The following CELF2 variants were observed in gnomAD, a reference collection of about 807,000 sequenced individuals.
CELF2 encodes the protein CUG triplet repeat RNA-binding protein 2.
Under a neutral mutation model 62.6 loss-of-function variants are expected in CELF2, and 8 were observed. That is an observed-to-expected ratio of 0.13 (90% CI 0.07 to 0.23). The LOEUF (loss-of-function observed/expected upper bound fraction) is 0.23, where lower values mean the gene tolerates loss of function less well. CELF2 is among the 10% of genes least tolerant of loss of function. The pLI is 1.00. For missense variants in CELF2, 333 were observed against 671.0 expected (o/e 0.50, Z 5.56); for synonymous variants, 258 against 250.0 (o/e 1.03, Z -0.30).
At chr10:10,745,200 C>A in the CELF2 span, among the ~76,000 whole-genome samples, 1 of 151,780 alleles carries the variant, frequency 6.6e-6, no homozygotes, top group Non-Finnish European at 1.5e-5. Context: ...ACATGGCCTA[C>A]TTGTGATTTT....
chr10:11,113,520 G>A (rs893664817), intron 1 of CELF2, among the ~76,000 whole-genome samples: 1 of 152,206 alleles, frequency 6.6e-6, no homozygotes, highest in African/African-American at 2.4e-5. Flanking sequence ...AAGCTATGCT[G>A]GAGATACAGT....
chr10:10,588,941 C>T, the CELF2 span, among the ~76,000 whole-genome samples: 2 of 152,178 alleles, frequency 1.3e-5, no homozygotes, highest in Non-Finnish European at 2.9e-5. Flanking sequence ...TCCTATAAAA[C>T]AAAGAGTGTC....
chr10:10,620,469 A>AAAT, the CELF2 span, among the ~76,000 whole-genome samples: 1 of 151,512 alleles, frequency 6.6e-6, no homozygotes, highest in Non-Finnish European at 1.5e-5. Flanking sequence ...AAAAAAAAAA[A>AAAT]AGCAGAGATT....
At chr10:10,779,489 T>C in the CELF2 span, among the ~76,000 whole-genome samples, 1 of 151,008 alleles carries the variant, frequency 6.6e-6, no homozygotes, top group South Asian at 2.1e-4. Flanking sequence ...CTCCTTCCTC[T>C]TTTTTTTTCC....
chr10:11,261,489 A>G (rs2080566904), intron 5 of CELF2, among the ~76,000 whole-genome samples: 1 of 149,460 alleles, frequency 6.7e-6, no homozygotes, highest in Non-Finnish European at 1.5e-5. Flanking sequence ...ATCCCATCTT[A>G]CTCAGCGGCC....
intron 2 of CELF2, among the ~76,000 whole-genome samples, chr10:10,950,800 T>C (rs1219714736): frequency 6.6e-6 from 1 of 152,262 alleles, no homozygotes; most frequent in Non-Finnish European, 1.5e-5. Flanking sequence ...GCTATCAGCA[T>C]GTATTAAATA....
chr10:10,709,241 T>C, the CELF2 span, among the ~76,000 whole-genome samples: 3 of 152,242 alleles, frequency 2.0e-5, no homozygotes, highest in South Asian at 2.1e-4. Context: ...TTCCCTGATA[T>C]GAGAGCAAAA....
intron 1 of CELF2, among the ~76,000 whole-genome samples, chr10:11,137,561 T>C (rs1011596466): frequency 7.9e-5 from 12 of 152,242 alleles, no homozygotes; most frequent in African/African-American, 2.9e-4. Context: ...ATAGTACTTA[T>C]CTGATAGGGA....
intron 1 of CELF2, among the ~76,000 whole-genome samples, chr10:10,839,768 G>T (rs2058555815): frequency 6.6e-6 from 1 of 152,086 alleles, no homozygotes; most frequent in Admixed American, 6.5e-5. Context: ...GTACTATAAG[G>T]CTCTAAGGGT....
intron 1 of CELF2, among the ~76,000 whole-genome samples, chr10:11,154,088 G>C (rs1433554009): frequency 6.6e-6 from 1 of 151,982 alleles, no homozygotes; most frequent in Non-Finnish European, 1.5e-5. Flanking sequence ...TGAAGAAATG[G>C]CTTTAAAAAA....
chr10:11,028,993 C>T (rs1362322263), intron 1 of CELF2, among the ~76,000 whole-genome samples: 1 of 152,142 alleles, frequency 6.6e-6, no homozygotes, highest in Non-Finnish European at 1.5e-5. Flanking sequence ...GGATTACAGG[C>T]GTGAGTCACT....
At chr10:10,985,198 T>G (rs948443723) in intron 2 of CELF2, among the ~76,000 whole-genome samples, 4 of 152,196 alleles carry the variant, frequency 2.6e-5, no homozygotes, top group Non-Finnish European at 5.9e-5. Flanking sequence ...CTCGGGAATA[T>G]TAAAATGTAC....
At chr10:10,477,598 A>G in the CELF2 span, among the ~76,000 whole-genome samples, 6 of 152,248 alleles carry the variant, frequency 3.9e-5, no homozygotes, top group Non-Finnish European at 5.9e-5. Flanking sequence ...TTCTAGGCCG[A>G]GTGCTGTTAT....
the CELF2 span, among the ~76,000 whole-genome samples, chr10:10,586,521 A>C: frequency 6.6e-6 from 1 of 152,196 alleles, no homozygotes; most frequent in Non-Finnish European, 1.5e-5. Flanking sequence ...TGTTCATGAA[A>C]AAGTGTGTCA....
the CELF2 span, among the ~76,000 whole-genome samples, chr10:10,757,589 T>C: frequency 1.3e-5 from 2 of 152,096 alleles, no homozygotes; most frequent in Admixed American, 1.3e-4. Context: ...AGAGAAACTA[T>C]TAAGAAACAT....
At chr10:10,481,607 A>T in the CELF2 span, among the ~76,000 whole-genome samples, 1 of 152,080 alleles carries the variant, frequency 6.6e-6, no homozygotes, top group African/African-American at 2.4e-5. Flanking sequence ...AAGAACTAAA[A>T]GTCACACCAG....
chr10:10,772,573 G>C, the CELF2 span, among the ~76,000 whole-genome samples: 1 of 152,194 alleles, frequency 6.6e-6, no homozygotes, highest in African/African-American at 2.4e-5. Flanking sequence ...CAATGAGCTT[G>C]GGATGTGCCC....
rs2094565385 is a variant in CELF2 at position 11,311,612 on chromosome 10, A to G, written c.977-2527A>G. Among the ~76,000 whole-genome samples, 1 of 152,252 alleles carries G rather than the reference A, an allele frequency of 6.6e-6. No individual in the cohort carries two copies. Among genetic ancestry groups the G allele is most frequent in the Admixed American group, 6.5e-5 (1 of 15,290 alleles). ...ATTAAAAGAATTTGAAAAGCGAAAAAGCCACTGATTATGAAAAATGACCAA... is the reference window on the plus strand; with the variant it reads ...ATTAAAAGAATTTGAAAAGCGAAAAGGCCACTGATTATGAAAAATGACCAA... On this transcript the variant is annotated intron_variant, in intron 9 of 12. Coordinates refer to ENST00000633077, the MANE Select transcript of CELF2 (RefSeq NM_001326342.2). The surrounding 1 kb of genome is among the most constrained non-coding windows in gnomAD (Gnocchi z 4.7).
intron 1 of CELF2, among the ~76,000 whole-genome samples, chr10:10,909,516 G>A (rs779412542): frequency 2.2e-4 from 34 of 152,148 alleles, no homozygotes; most frequent in Middle Eastern, 3.2e-3. Flanking sequence ...AGAACCTCCC[G>A]TGTTCCTTCT....
Sources: allele counts gnomAD v4.1 joint callset (sites outside exome capture counted in the v4.1 genomes callset), GRCh38; gene constraint gnomAD v4.1.1; non-coding constraint Gnocchi (gnomAD v3.1); transcripts MANE v1.5; gene names NCBI Gene and HGNC (gene_info 2026-07-23, HGNC 2026-07-21).